Variants in PTPRK observed in about 807,000 individuals in gnomAD.
PTPRK encodes the protein protein tyrosine phosphatase receptor type K, also known as receptor-type tyrosine-protein phosphatase kappa.
A neutral mutation model predicts 178.0 loss-of-function variants in PTPRK; 75 were observed. That is an observed-to-expected ratio of 0.42 (90% confidence interval 0.35 to 0.51). The LOEUF (loss-of-function observed/expected upper bound fraction) is 0.51. Among genes scored for constraint, PTPRK ranks in the 20% least tolerant of loss-of-function variants. The pLI is 0.02. For missense variants in PTPRK, 1,441 were observed against 1,797.8 expected (o/e 0.80, Z 3.59); for synonymous variants, 637 against 620.6 (o/e 1.03, Z -0.39).
At chr6:128,122,560 G>A (rs1310241208) in intron 7 of PTPRK, among the ~76,000 whole-genome samples, 2 of 152,084 alleles carry the variant, frequency 1.3e-5, no homozygotes, top group Non-Finnish European at 2.9e-5. Flanking sequence ...TCCATAGAAG[G>A]ATTCAGAATT....
At position 128,184,621 on chromosome 6, in the gene PTPRK, G is replaced by A; in HGVS notation, c.973C>T (p.Leu325=). 1 of 1,614,024 alleles carries A rather than the reference G, an allele frequency of 6.2e-7. No homozygotes were observed. The highest frequency in any genetic ancestry group is 8.5e-7 in the Non-Finnish European group (1 of 1,179,954). Residue 325 remains leucine, a synonymous_variant, in exon 7 of 30, where the codon CTG becomes TTG. Coordinates refer to ENST00000368226, the MANE Select transcript of PTPRK (RefSeq NM_002844.4). ...GTCATTCGGTACTCTACTTCTTTCA[G>A]GATGATAGGACCATCGCCAATGATC... ...NSIIGDGPII[L]KEVEYRMTSG... is the part of the protein sequence containing the mutation.
At chr6:128,464,661 A>ATATG (rs1849610881) in intron 1 of PTPRK, among the ~76,000 whole-genome samples, 2 of 113,466 alleles carry the variant, frequency 1.8e-5, no homozygotes, top group African/African-American at 3.8e-5. Flanking sequence ...ATATATATAT[A>ATATG]TATATATATA....
intron 7 of PTPRK, among the ~76,000 whole-genome samples, chr6:128,132,690 G>A (rs1794437622): frequency 6.6e-6 from 1 of 152,186 alleles, no homozygotes; most frequent in African/African-American, 2.4e-5. Context: ...TTTAGCATGT[G>A]AATATCATAC....
Position 128,226,761 on chromosome 6 carries a change from CATATATATATATAT to C in PTPRK, c.694-7679_694-7666del, listed in dbSNP as rs71028117. Reference sequence around the variant, plus strand: ...ATATGTAATCTTATAATTATATAGACATATATATATATATATATATATATATATATATATATATT... The same window carrying C: ...ATATGTAATCTTATAATTATATAGACATATATATATATATATATATATATT... On this transcript the variant is annotated intron_variant, in intron 5 of 29. Transcript: ENST00000368226. Among the ~76,000 whole-genome samples, 215 of 109,540 alleles carry C rather than the reference CATATATATATATAT, an allele frequency of 2.0e-3. 2 individuals carry two copies. Among genetic ancestry groups the C allele is most frequent in the African/African-American group, 5.3e-3 (160 of 30,320 alleles). 71.9% of individuals were successfully genotyped at this position (109,540 alleles called of 152,430 possible).
At chr6:128,251,130 G>T (rs1816395491) in intron 3 of PTPRK, among the ~76,000 whole-genome samples, 1 of 152,046 alleles carries the variant, frequency 6.6e-6, no homozygotes, top group Non-Finnish European at 1.5e-5. Flanking sequence ...CCTATTTGTT[G>T]TTTACTTGTT....
At chr6:128,049,427 G>A (rs921788410) in intron 13 of PTPRK, among the ~76,000 whole-genome samples, 5 of 151,946 alleles carry the variant, frequency 3.3e-5, no homozygotes, top group East Asian at 1.9e-4. Flanking sequence ...ATCAATGCCC[G>A]CTTGCTTTAC....
At chr6:128,427,973 G>A (rs1346675076) in intron 1 of PTPRK, among the ~76,000 whole-genome samples, 2 of 151,912 alleles carry the variant, frequency 1.3e-5, no homozygotes, top group Non-Finnish European at 2.9e-5. Flanking sequence ...GGTGCCTGTG[G>A]TCCCAGCTAC....
chr6:128,082,526 G>C lies in PTPRK; in HGVS notation c.1688C>G (p.Pro563Arg), dbSNP rs183464331. Residue 563 changes from proline (P) to arginine (R), a missense_variant, in exon 10 of 30, where the codon CCT (proline) becomes CGT (arginine). By Grantham distance (103) the Pro-to-Arg change is moderately radical (BLOSUM62 -2). This residue lies in a region of PTPRK where 945 missense variants were observed against 1,080.6 expected (regional missense o/e 0.87). Coordinates refer to ENST00000368226, the MANE Select transcript of PTPRK (RefSeq NM_002844.4). ...STHHVFMHLH[P>R]GTTYQFFIRA... ...TATGAAAAACTGGTACGTGGTTCCA[G>C]GGTGGAGATGCATAAAGACATGGTG... 1 of 1,613,270 alleles carries C rather than the reference G, an allele frequency of 6.2e-7. No homozygotes were observed. Among genetic ancestry groups the C allele is most frequent in the Non-Finnish European group, 8.5e-7 (1 of 1,179,356 alleles).
At chr6:128,243,511 A>AG (rs1814884301) in intron 3 of PTPRK, among the ~76,000 whole-genome samples, 1 of 148,798 alleles carries the variant, frequency 6.7e-6, no homozygotes, top group Non-Finnish European at 1.5e-5. Context: ...AAAAAAAAAA[A>AG]AAGAAAAGAA....
chr6:128,104,087 T>C (rs1176914485), intron 7 of PTPRK, among the ~76,000 whole-genome samples: 1 of 152,236 alleles, frequency 6.6e-6, no homozygotes, highest in Non-Finnish European at 1.5e-5. Flanking sequence ...TCTCCTTTCC[T>C]CGCCTCCTGT....
intron 2 of PTPRK, among the ~76,000 whole-genome samples, chr6:128,375,038 C>T (rs1483085167): frequency 6.7e-6 from 1 of 149,590 alleles, no homozygotes. Context: ...TAATTTTCTC[C>T]ATGGTACTTA....
intron 13 of PTPRK, among the ~76,000 whole-genome samples, chr6:128,018,899 A>T (rs1487831894): frequency 6.6e-6 from 1 of 152,154 alleles, no homozygotes; most frequent in East Asian, 1.9e-4. Flanking sequence ...TGGGTACAAA[A>T]CATTGTACTA....
At chr6:128,088,164 T>C (rs1210198358) in intron 8 of PTPRK, among the ~76,000 whole-genome samples, 5 of 151,910 alleles carry the variant, frequency 3.3e-5, no homozygotes, top group Non-Finnish European at 7.4e-5. Context: ...GATCACTCGA[T>C]GTCAGGAGTT....
chr6:128,395,105 A>G (rs562731189), intron 2 of PTPRK, among the ~76,000 whole-genome samples: 1 of 152,304 alleles, frequency 6.6e-6, no homozygotes, highest in South Asian at 2.1e-4. Context: ...AAAAATCTAA[A>G]TGTCTCCTTT....
chr6:128,267,775 C>T (rs1171959784), intron 3 of PTPRK, among the ~76,000 whole-genome samples: 1 of 151,976 alleles, frequency 6.6e-6, no homozygotes, highest in African/African-American at 2.4e-5. Context: ...CAGTAAAAAC[C>T]TACAAACACA....
At chr6:128,497,634 T>C (rs1854882562) in intron 1 of PTPRK, among the ~76,000 whole-genome samples, 1 of 152,282 alleles carries the variant, frequency 6.6e-6, no homozygotes, top group African/African-American at 2.4e-5. Context: ...CTATTTCCCC[T>C]CTTTTAAAAT....
intron 7 of PTPRK, among the ~76,000 whole-genome samples, chr6:128,114,472 T>G (rs905950261): frequency 4.3e-4 from 65 of 151,376 alleles, no homozygotes; most frequent in African/African-American, 1.5e-3. Context: ...ACAAAACAAT[T>G]AGCCAAACAT....
chr6:128,332,087 C>T lies in PTPRK; in HGVS notation c.224-9777G>A, dbSNP rs187497566. On this transcript the variant is annotated intron_variant, in intron 2 of 29. Coordinates refer to ENST00000368226, the MANE Select transcript of PTPRK (RefSeq NM_002844.4). ...AGTGGGTGTCCTCATGGAATTTACC[C>T]GCTACACTACACATTAAGATTTAGA... Among the ~76,000 whole-genome samples, 200 of 152,180 alleles carry T rather than the reference C, an allele frequency of 1.3e-3. 1 individual carries two copies. The highest frequency in any genetic ancestry group is 3.7e-3 in the African/African-American group (155 of 41,526).
intron 2 of PTPRK, among the ~76,000 whole-genome samples, chr6:128,372,807 C>T (rs1836472465): frequency 6.6e-6 from 1 of 152,138 alleles, no homozygotes; most frequent in African/African-American, 2.4e-5. Context: ...CTTTTCAGCA[C>T]ATCACAAACA....
Sources: gnomAD v4.1 joint callset for allele counts (sites outside exome capture counted in the v4.1 genomes callset) on GRCh38, gnomAD v4.1.1 for gene constraint, gnomAD v4.1.1 regional missense constraint, MANE v1.5 for transcripts, NCBI Gene and HGNC (gene_info 2026-07-23, HGNC 2026-07-21) for gene names.